ARFIP1: variants seen among roughly 807,000 people sequenced by gnomAD.
The protein encoded by ARFIP1 is ARF interacting protein 1.
Under a neutral mutation model 42.5 loss-of-function variants are expected in ARFIP1, and 24 were observed. That is an observed-to-expected ratio of 0.57 (90% CI 0.41 to 0.80). ARFIP1 has a LOEUF of 0.80. Ranked by LOEUF, ARFIP1 falls within the 30% of genes least tolerant of loss-of-function variation. The pLI is 0.00. For missense variants in ARFIP1, 354 were observed against 434.0 expected, an observed-to-expected ratio of 0.82 and a Z score of 1.64; for synonymous variants, 141 against 153.7, an observed-to-expected ratio of 0.92 and a Z score of 0.61.
chr4:152,897,329 T>A (rs1200955263), intron 8 of ARFIP1, among the ~76,000 whole-genome samples: 1 of 151,966 alleles, frequency 6.6e-6, no homozygotes, highest in Admixed American at 6.6e-5. Context: ...TTTTTTTTTT[T>A]ACCAGTTATG....
intron 2 of ARFIP1, among the ~76,000 whole-genome samples, chr4:152,860,596 A>G (rs1005839296): frequency 3.3e-5 from 5 of 152,160 alleles, no homozygotes; most frequent in Non-Finnish European, 5.9e-5. Flanking sequence ...TTTGCTTTCA[A>G]CTACTATTAG....
In ARFIP1 at chr4:152,882,810, A is replaced by G. The variant is rs1299817908; in HGVS notation, c.721A>G (p.Ser241Gly). 14 of 1,612,350 alleles carry G rather than the reference A, an allele frequency of 8.7e-6. No homozygotes were observed. Among genetic ancestry groups the G allele is most frequent in the Non-Finnish European group, 1.1e-5 (13 of 1,179,232 alleles). Reference protein sequence around the residue: ...LLGAINFFIASVNTLVNKTIE... With the variant: ...LLGAINFFIAGVNTLVNKTIE... ...TGGGGCCATTAATTTTTTCATTGCT[A>G]GTGTGAACACTTTGGTGAATAAAAC... Residue 241 changes from serine to glycine, a missense_variant, in exon 7 of 9, where the codon AGT becomes GGT. Ser to Gly is a moderately conservative substitution (Grantham distance 56). Coordinates refer to ENST00000353617, the MANE Select transcript of ARFIP1 (RefSeq NM_001025595.3).
At chr4:152,832,224 A>G (rs942313792) in intron 2 of ARFIP1, among the ~76,000 whole-genome samples, 1 of 152,184 alleles carries the variant, frequency 6.6e-6, no homozygotes, top group Non-Finnish European at 1.5e-5. Flanking sequence ...TGAGAGTTCT[A>G]GTTGTTCCAC....
At chr4:152,788,155 C>G (rs943294750) in intron 1 of ARFIP1, among the ~76,000 whole-genome samples, 1 of 152,182 alleles carries the variant, frequency 6.6e-6, no homozygotes, top group Non-Finnish European at 1.5e-5. Flanking sequence ...TCGTTTGAAC[C>G]TGGGAGGCAG....
At chr4:152,846,222 G>C (rs931536777) in intron 2 of ARFIP1, among the ~76,000 whole-genome samples, 8 of 152,218 alleles carry the variant, frequency 5.3e-5, no homozygotes, top group African/African-American at 1.7e-4. Flanking sequence ...GGGAGAGAAG[G>C]GGGCAAAGGG....
At chr4:152,810,826 T>C (rs952505068) in intron 1 of ARFIP1, among the ~76,000 whole-genome samples, 17 of 151,946 alleles carry the variant, frequency 1.1e-4, no homozygotes, top group Non-Finnish European at 2.2e-4. Context: ...AAAAAAAAGA[T>C]GGTGTGCTAT....
chr4:152,806,710 A>G (rs1324278197), intron 1 of ARFIP1, among the ~76,000 whole-genome samples: 1 of 151,816 alleles, frequency 6.6e-6, no homozygotes, highest in African/African-American at 2.4e-5. Context: ...CTCCCAGGCA[A>G]CCACTGATCT....
intron 8 of ARFIP1, among the ~76,000 whole-genome samples, chr4:152,907,878 A>G (rs1007124592): frequency 6.6e-6 from 1 of 152,184 alleles, no homozygotes; most frequent in African/African-American, 2.4e-5. Context: ...CACACATGCA[A>G]GTTTTTCTAT....
chr4:152,813,745 A>T (rs559273887), intron 1 of ARFIP1, among the ~76,000 whole-genome samples: 1 of 152,268 alleles, frequency 6.6e-6, no homozygotes, highest in African/African-American at 2.4e-5. Flanking sequence ...TATAGATATT[A>T]TATCTTGATA....
At chr4:152,783,410 C>A (rs556931853) in intron 1 of ARFIP1, among the ~76,000 whole-genome samples, 2 of 152,326 alleles carry the variant, frequency 1.3e-5, no homozygotes, top group African/African-American at 4.8e-5. Flanking sequence ...GTAACAGTTA[C>A]ATTTATTTGC....
chr4:152,788,412 G>T (rs1487389946), intron 1 of ARFIP1, among the ~76,000 whole-genome samples: 1 of 152,116 alleles, frequency 6.6e-6, no homozygotes, highest in Non-Finnish European at 1.5e-5. Context: ...GTGCACAGTG[G>T]CTCATGCCAG....
intron 1 of ARFIP1, among the ~76,000 whole-genome samples, chr4:152,786,028 G>A (rs1311610099): frequency 6.6e-6 from 1 of 152,188 alleles, no homozygotes; most frequent in Non-Finnish European, 1.5e-5. Flanking sequence ...TTAAAAATCT[G>A]CTACCCATGG....
chr4:152,829,519 C>A, intron 1 of ARFIP1, 106 bp from the exon 2 acceptor site: 1 of 625,596 alleles, frequency 1.6e-6, no homozygotes, highest in Non-Finnish European at 2.7e-6. Flanking sequence ...TGGTAGGTTG[C>A]AATGATAAAA....
Position 152,889,847 on chromosome 4 carries a change from C to G in ARFIP1, c.966+1540C>G, listed in dbSNP as rs868679042. ...ATATATACTATATACTATATATATA[C>G]TATATATACTATATATACTATATAT... On this transcript the variant is annotated intron_variant, in intron 8 of 8. Transcript: ENST00000353617. Among the ~76,000 whole-genome samples, 584 of 108,468 alleles carry G rather than the reference C, an allele frequency of 5.4e-3. 5 individuals are homozygous for G. The highest frequency in any genetic ancestry group is 0.02 in the African/African-American group (535 of 26,356). The allele number at this position is 108,468 out of a possible 152,430, so 71.2% of individuals were successfully genotyped here. A position where few individuals can be genotyped will look rare whatever the true frequency, so the allele number is the denominator to read the frequency against.
chr4:152,796,436 A>G (rs1333602000), intron 1 of ARFIP1: 1 of 742,184 alleles, frequency 1.3e-6, no homozygotes, highest in African/African-American at 1.7e-5. Flanking sequence ...TCCTGTTTGA[A>G]TAACTTAATG....
At chr4:152,891,283 A>G (rs1448105726) in intron 8 of ARFIP1, among the ~76,000 whole-genome samples, 1 of 152,242 alleles carries the variant, frequency 6.6e-6, no homozygotes, top group Admixed American at 6.5e-5. Context: ...GTTGTCATCA[A>G]GGTTAAGTTT....
intron 2 of ARFIP1, among the ~76,000 whole-genome samples, chr4:152,839,414 CT>C (rs1731890576): frequency 6.6e-6 from 1 of 151,984 alleles, no homozygotes; most frequent in Admixed American, 6.6e-5. Flanking sequence ...TGGTCCTGGA[CT>C]TTTTTTGTTG....
rs540543063 is a variant in ARFIP1, at chr4:152,878,173, G to A, written c.412-2790G>A. 6.6e-5 allele frequency among the ~76,000 whole-genome samples: 10 copies of A among 152,230 alleles called. No homozygotes were observed. In the South Asian group the frequency reaches 2.1e-3, roughly 32 times the overall value. On this transcript the variant is annotated intron_variant, in intron 5 of 8. Transcript: ENST00000353617. ...AGCTTCCTTTTGCCTCTTGAATTTA[G>A]CATCATTTGTCCTGTTCTTCAAAAT...
chr4:152,864,956 C>T (rs1257153147), intron 3 of ARFIP1, among the ~76,000 whole-genome samples: 1 of 142,894 alleles, frequency 7.0e-6, no homozygotes, highest in Non-Finnish European at 1.5e-5. Flanking sequence ...AAAGTAAAGC[C>T]GTGTAAACAT....
Sources: gnomAD v4.1 joint callset for allele counts (sites outside exome capture counted in the v4.1 genomes callset) on GRCh38, gnomAD v4.1.1 for gene constraint, MANE v1.5 for transcripts, NCBI Gene and HGNC (gene_info 2026-07-23, HGNC 2026-07-21) for gene names.